Variants in SLC9A2 observed in about 807,000 individuals in gnomAD.
SLC9A2 encodes sodium/hydrogen exchanger 2.
A neutral mutation model predicts 71.7 loss-of-function variants in SLC9A2; 42 were observed. The observed-to-expected ratio is 0.59, with a 90% CI of 0.46 to 0.76. SLC9A2 has a LOEUF of 0.76. Ranked by LOEUF, SLC9A2 falls within the 30% of genes least tolerant of loss-of-function variation. SLC9A2 has a pLI of 0.00. For synonymous variants in SLC9A2, 396 were observed against 392.5 expected (o/e 1.01, Z -0.10); for missense variants, 829 against 1,017.4 (o/e 0.81, Z 2.52).
At chr2:102,653,306 A>C (rs964128303) in intron 1 of SLC9A2, among the ~76,000 whole-genome samples, 16 of 152,250 alleles carry the variant, frequency 1.1e-4, no homozygotes, top group African/African-American at 3.9e-4. Context: ...AAAGGAGTAC[A>C]GATTTGAAAA....
intron 5 of SLC9A2, among the ~76,000 whole-genome samples, chr2:102,689,366 C>T (rs1465411892): frequency 6.6e-6 from 1 of 152,158 alleles, no homozygotes; most frequent in African/African-American, 2.4e-5. Context: ...GTCATCAAGG[C>T]CTGACATTCT....
Position 102,704,525 on chromosome 2 carries a change from C to G in SLC9A2, c.1846-19C>G, listed in dbSNP as rs964963006. On this transcript the variant is annotated intron_variant, in intron 9 of 11. Coordinates refer to ENST00000233969, the MANE Select transcript of SLC9A2 (RefSeq NM_003048.6). ...TTTTGTTTTTGTTTTTTAATGTCCT[C>G]TATATGTTTTCATTCCAGACTTTAT... 1.9e-6 allele frequency: 3 copies of G among 1,608,078 alleles called. No homozygotes were observed. The highest frequency in any genetic ancestry group is 2.2e-5 in the East Asian group (1 of 44,578).
chr2:102,657,865 C>T lies in SLC9A2; in HGVS notation c.591C>T (p.Phe197=), dbSNP rs139722927. Residue 197 remains phenylalanine, a synonymous_variant, in exon 2 of 12, where the codon TTC becomes TTT. Coordinates refer to ENST00000233969, the MANE Select transcript of SLC9A2 (RefSeq NM_003048.6). Reference sequence around the variant, plus strand: ...TTGGTATCTGCCAGATCGAAGCATTCGGCCTCAGCGACATCACTTTGCTCC... The same window carrying T: ...TTGGTATCTGCCAGATCGAAGCATTTGGCCTCAGCGACATCACTTTGCTCC... ...SLFGICQIEA[F]GLSDITLLQN... 20 of 1,614,212 alleles carry T rather than the reference C, an allele frequency of 1.2e-5. No individual in the cohort carries two copies. The Middle Eastern group carries it at 4.9e-4, about 40-fold the overall frequency.
intron 3 of SLC9A2, among the ~76,000 whole-genome samples, chr2:102,667,319 T>C (rs1677160361): frequency 6.6e-6 from 1 of 152,152 alleles, no homozygotes; most frequent in Non-Finnish European, 1.5e-5. Context: ...TAGTATCTAG[T>C]TTCCAGCAGT....
chr2:102,667,840 C>T (rs548822833), intron 3 of SLC9A2, among the ~76,000 whole-genome samples: 7 of 151,846 alleles, frequency 4.6e-5, no homozygotes, highest in Middle Eastern at 3.4e-3. Context: ...GAGGATGAGA[C>T]GGGTGGATCA....
intron 2 of SLC9A2, among the ~76,000 whole-genome samples, chr2:102,662,312 G>A (rs991977018): frequency 2.0e-5 from 3 of 152,258 alleles, no homozygotes; most frequent in Non-Finnish European, 2.9e-5. Flanking sequence ...GCAGATGCCC[G>A]TTAATCTGTG....
At chr2:102,670,972 A>G (rs1396726928) in intron 3 of SLC9A2, among the ~76,000 whole-genome samples, 1 of 151,760 alleles carries the variant, frequency 6.6e-6, no homozygotes, top group African/African-American at 2.4e-5. Context: ...ATGCCAGAAT[A>G]ACCAGTTCAA....
At chr2:102,667,644 T>C (rs932823827) in intron 3 of SLC9A2, among the ~76,000 whole-genome samples, 2 of 152,170 alleles carry the variant, frequency 1.3e-5, no homozygotes, top group African/African-American at 4.8e-5. Context: ...AAGAGACAAA[T>C]AGGGCCACAT....
At chr2:102,641,190 G>T (rs1676573377) in intron 1 of SLC9A2, among the ~76,000 whole-genome samples, 1 of 152,156 alleles carries the variant, frequency 6.6e-6, no homozygotes, top group African/African-American at 2.4e-5. Flanking sequence ...AACTCAGGAT[G>T]GTGGGCAGTT....
intron 5 of SLC9A2, among the ~76,000 whole-genome samples, chr2:102,690,382 C>T (rs368160816): frequency 2.0e-4 from 30 of 152,072 alleles, no homozygotes; most frequent in South Asian, 1.0e-3. Flanking sequence ...TGGCTGGATT[C>T]GAGAGGGGAG....
At chr2:102,649,459 CCAAAA>C (rs1676790617) in intron 1 of SLC9A2, among the ~76,000 whole-genome samples, 1 of 152,058 alleles carries the variant, frequency 6.6e-6, no homozygotes, top group Non-Finnish European at 1.5e-5. Context: ...GTAACAAAAG[CCAAAA>C]TTGACAAATG....
Position 102,710,531 on chromosome 2 carries a change from C to T in SLC9A2, c.*2042C>T, listed in dbSNP as rs1333530771. 3.9e-5 allele frequency: 6 copies of T among 152,290 alleles called. No individual in the cohort carries two copies. Among genetic ancestry groups the T allele is most frequent in the African/African-American group, 1.4e-4 (6 of 41,554 alleles). The allele number at this position is 152,290 out of a possible 1,614,324, so 9.4% of individuals were successfully genotyped here. Reference sequence around the variant, plus strand: ...CTTGTTAAGCAGGTAGACCAAATTCCGCTTTCAGTAATTCATCCATACAGA... The same window carrying T: ...CTTGTTAAGCAGGTAGACCAAATTCTGCTTTCAGTAATTCATCCATACAGA... On this transcript the variant is annotated 3_prime_UTR_variant, in exon 12 of 12. Transcript: ENST00000233969.
At chr2:102,627,860 C>T (rs1046528974) in intron 1 of SLC9A2, among the ~76,000 whole-genome samples, 2 of 152,066 alleles carry the variant, frequency 1.3e-5, no homozygotes, top group African/African-American at 2.4e-5. Flanking sequence ...GTAAGAAACA[C>T]CAATATTTAA....
intron 5 of SLC9A2, among the ~76,000 whole-genome samples, chr2:102,692,005 T>C (rs2104546654): frequency 6.6e-6 from 1 of 152,360 alleles, no homozygotes; most frequent in Middle Eastern, 3.4e-3. Context: ...TTACATTGAT[T>C]TTGTCAACTT....
intron 3 of SLC9A2, among the ~76,000 whole-genome samples, chr2:102,671,111 CT>C (rs2104530406): frequency 6.6e-6 from 1 of 152,306 alleles, no homozygotes; most frequent in South Asian, 2.1e-4. Context: ...TGACCCTCAT[CT>C]CAACGTCCTG....
At chr2:102,643,082 T>G (rs1676641603) in intron 1 of SLC9A2, among the ~76,000 whole-genome samples, 1 of 152,200 alleles carries the variant, frequency 6.6e-6, no homozygotes, top group South Asian at 2.1e-4. Context: ...GTGATACAGT[T>G]TCATTCTCAA....
At chr2:102,656,180 G>C (rs1304487931) in intron 1 of SLC9A2, among the ~76,000 whole-genome samples, 1 of 152,154 alleles carries the variant, frequency 6.6e-6, no homozygotes, top group African/African-American at 2.4e-5. Context: ...AGTGACCTTC[G>C]TGTGTTAAGT....
In SLC9A2 at chr2:102,708,349, C is replaced by T; in HGVS notation, c.2299C>T (p.Leu767Phe). The change falls in exon 12 of 12, where the codon CTT (leucine) becomes TTT (phenylalanine). Residue 767 changes from leucine (L) to phenylalanine (F), a missense_variant. Coordinates refer to ENST00000233969, the MANE Select transcript of SLC9A2 (RefSeq NM_003048.6). ...TQTSGLLQQP[L>F]LSKDQSGSER... ...GACGTCAGGCTTACTACAGCAGCCC[C>T]TTCTCTCTAAAGACCAGTCTGGCTC... 6.2e-7 allele frequency: 1 copy of T among 1,614,248 alleles called. No individual in the cohort carries two copies.
chr2:102,704,514 T>C, intron 9 of SLC9A2, 30 bp from the exon 10 acceptor site: 3 of 1,601,128 alleles, frequency 1.9e-6, no homozygotes, highest in Non-Finnish European at 2.6e-6. Flanking sequence ...GTTTTTGTTT[T>C]TTAATGTCCT....
Sources: allele counts gnomAD v4.1 joint callset (sites outside exome capture counted in the v4.1 genomes callset), GRCh38; gene constraint gnomAD v4.1.1; transcripts MANE v1.5; gene names NCBI Gene and HGNC (gene_info 2026-07-23, HGNC 2026-07-21).